The following RERE variants were observed in gnomAD, a reference collection of about 807,000 sequenced individuals.
RERE encodes the protein arginine-glutamic acid dipeptide repeats, also known as arginine-glutamic acid dipeptide repeats protein.
In RERE, 40 loss-of-function variants were observed where a neutral mutation model predicts 146.1. The ratio of observed to expected loss-of-function variants is 0.27; its 90% CI spans 0.21 to 0.36. The LOEUF is 0.36. Among genes scored for constraint, RERE ranks in the 10% least tolerant of loss-of-function variants. The probability of loss-of-function intolerance (pLI) is 1.00; values close to 1 mark genes in which losing one functional copy is unlikely to be tolerated. For missense variants in RERE, 1,933 were observed against 2,138.7 expected (o/e 0.90, Z 1.90); for synonymous variants, 1,003 against 866.0 (o/e 1.16, Z -2.78).
chr1:8,433,584 C>T (rs1422243688), intron 11 of RERE, among the ~76,000 whole-genome samples: 1 of 144,328 alleles, frequency 6.9e-6, no homozygotes, highest in African/African-American at 2.6e-5. Context: ...GACGGAGTCT[C>T]GCTCTGTCGC....
At chr1:8,355,163 G>C (rs1641241057) in intron 22 of RERE, 43 bp from the exon 23 acceptor site, 4 of 1,607,010 alleles carry the variant, frequency 2.5e-6, no homozygotes. Context: ...CTCAGGCCTA[G>C]GCAGGCAGTC....
chr1:8,356,395 G>T lies in RERE; in HGVS notation c.4340-149C>A. On this transcript the variant is annotated intron_variant, in intron 20 of 22. Coordinates refer to ENST00000400908, the MANE Select transcript of RERE (RefSeq NM_001042681.2). The surrounding 1 kb of genome is among the most constrained non-coding windows in gnomAD (Gnocchi z 5.2). ...GCACCACCTGGCTACAGGTGGCCCT[G>T]CCCCAAAGTGGCTGCCTCCACCTTC... The T allele has an allele frequency of 1.1e-6, 1 of 917,350 alleles. No homozygotes were observed. Among genetic ancestry groups the T allele is most frequent in the Non-Finnish European group, 1.5e-6 (1 of 664,288 alleles). 56.8% of individuals were successfully genotyped at this position (917,350 alleles called of 1,614,324 possible). A position where few individuals can be genotyped will look rare whatever the true frequency, so the allele number is the denominator to read the frequency against.
chr1:8,457,564 C>T (rs1362892015), intron 11 of RERE, among the ~76,000 whole-genome samples: 1 of 152,176 alleles, frequency 6.6e-6, no homozygotes, highest in Non-Finnish European at 1.5e-5. Flanking sequence ...GCCATCACTA[C>T]TTCTACCTAA....
intron 1 of RERE, among the ~76,000 whole-genome samples, chr1:8,746,884 G>A (rs1296194918): frequency 6.7e-6 from 1 of 149,322 alleles, no homozygotes; most frequent in African/African-American, 2.5e-5. Flanking sequence ...AAAAGAGAGA[G>A]AGAGAGAGAG....
intron 6 of RERE, among the ~76,000 whole-genome samples, chr1:8,550,549 G>GT (rs1557682797): frequency 1.3e-5 from 2 of 151,966 alleles, no homozygotes; most frequent in South Asian, 2.1e-4. Flanking sequence ...TGTTGTTGTT[G>GT]TTTTTTGTTT....
intron 1 of RERE, among the ~76,000 whole-genome samples, chr1:8,666,040 G>C (rs1638565397): frequency 6.6e-6 from 1 of 152,136 alleles, no homozygotes; most frequent in Admixed American, 6.5e-5. Flanking sequence ...CCAAGCAGCT[G>C]ACTCCAGAGC....
intron 1 of RERE, among the ~76,000 whole-genome samples, chr1:8,749,089 G>T (rs372545833): frequency 6.6e-6 from 1 of 152,170 alleles, no homozygotes; most frequent in East Asian, 1.9e-4. Flanking sequence ...CATGAAGTGG[G>T]TATAATTATT....
intron 1 of RERE, among the ~76,000 whole-genome samples, chr1:8,663,763 T>TTCACCTCTCCAGCC (rs1488416166): frequency 6.6e-6 from 1 of 152,116 alleles, no homozygotes; most frequent in Non-Finnish European, 1.5e-5. Flanking sequence ...GGGCTGCCCC[T>TTCACCTCTCCAGCC]TCACCTCTCC....
chr1:8,804,982 AT>A (rs1053774145), intron 1 of RERE, among the ~76,000 whole-genome samples: 12 of 127,694 alleles, frequency 9.4e-5, no homozygotes, highest in South Asian at 7.6e-4. Context: ...TTTTCAAATG[AT>A]TTTTTTTGTT....
intron 10 of RERE, among the ~76,000 whole-genome samples, chr1:8,482,782 T>C (rs1644853773): frequency 6.6e-6 from 1 of 151,938 alleles, no homozygotes. Flanking sequence ...ATGAATTTCT[T>C]AGCCCAAAGG....
intron 4 of RERE, among the ~76,000 whole-genome samples, chr1:8,570,846 T>C (rs1375900191): frequency 6.6e-6 from 1 of 152,192 alleles, no homozygotes; most frequent in African/African-American, 2.4e-5. Context: ...AAGGCACAAA[T>C]TCATTTAGAT....
chr1:8,715,307 T>A (rs1639743527), intron 1 of RERE, among the ~76,000 whole-genome samples: 1 of 150,100 alleles, frequency 6.7e-6, no homozygotes, highest in Non-Finnish European at 1.5e-5. Flanking sequence ...AGGTCAGGAG[T>A]TCGAGACCAG....
chr1:8,505,116 G>C (rs1229487935), intron 8 of RERE, among the ~76,000 whole-genome samples: 1 of 152,136 alleles, frequency 6.6e-6, no homozygotes, highest in Non-Finnish European at 1.5e-5. Context: ...CATACACTGG[G>C]GGACTAGGGG....
chr1:8,689,591 G>A (rs1416223217), intron 1 of RERE, among the ~76,000 whole-genome samples: 1 of 152,130 alleles, frequency 6.6e-6, no homozygotes, highest in Admixed American at 6.6e-5. Context: ...AGACAGGAAA[G>A]ATAATTCAAT....
chr1:8,426,069 G>A (rs1303440989), intron 11 of RERE, among the ~76,000 whole-genome samples: 1 of 152,120 alleles, frequency 6.6e-6, no homozygotes, highest in African/African-American at 2.4e-5. Flanking sequence ...GTCTACAGTG[G>A]TAACTATTTT....
At chr1:8,355,206 C>T (rs1461782164) in intron 22 of RERE, 86 bp from the exon 23 acceptor site, 2 of 1,415,694 alleles carry the variant, frequency 1.4e-6, no homozygotes, top group African/African-American at 2.8e-5. Context: ...AAGACAACAG[C>T]CAGGCAATCC....
At chr1:8,618,314 A>T (rs1263686959) in intron 3 of RERE, among the ~76,000 whole-genome samples, 3 of 152,186 alleles carry the variant, frequency 2.0e-5, no homozygotes, top group Non-Finnish European at 1.5e-5. Context: ...GTAACTAAAG[A>T]AAGTTAAGAG....
intron 11 of RERE, among the ~76,000 whole-genome samples, chr1:8,430,558 T>C (rs563991660): frequency 2.0e-5 from 3 of 152,334 alleles, no homozygotes; most frequent in African/African-American, 7.2e-5. Context: ...ACACTTTCTA[T>C]TCAGACTAAC....
chr1:8,639,007 T>C (rs1017133035), intron 2 of RERE, among the ~76,000 whole-genome samples: 1 of 152,046 alleles, frequency 6.6e-6, no homozygotes. Flanking sequence ...TCTCCTGATC[T>C]CATTATCCTC....
Sources: gnomAD v4.1 joint callset for allele counts (sites outside exome capture counted in the v4.1 genomes callset) on GRCh38, gnomAD v4.1.1 for gene constraint, Gnocchi (gnomAD v3.1) non-coding constraint, MANE v1.5 for transcripts, NCBI Gene and HGNC (gene_info 2026-07-23, HGNC 2026-07-21) for gene names.